The following C12orf42 variants were observed in gnomAD, a reference collection of about 807,000 sequenced individuals.
C12orf42 encodes the protein chromosome 12 open reading frame 42, also known as uncharacterized protein C12orf42.
A neutral mutation model predicts 21.6 loss-of-function variants in C12orf42; 25 were observed. The ratio of observed to expected loss-of-function variants is 1.16; its 90% confidence interval spans 0.84 to 1.62. The LOEUF (loss-of-function observed/expected upper bound fraction) is 1.62. C12orf42 is among the 40% of genes most tolerant of loss of function. The pLI, the probability that C12orf42 is intolerant of heterozygous loss-of-function variation, is 0.00. For synonymous variants in C12orf42, 174 were observed against 175.0 expected (o/e 0.99, Z 0.05); for missense variants, 483 against 459.3 (o/e 1.05, Z -0.47).
chr12:103,396,824 G>A (rs1555283964), intron 3 of C12orf42: 2 of 152,216 alleles, frequency 1.3e-5, no homozygotes, highest in Non-Finnish European at 1.5e-5. Context: ...GAGACCAGTA[G>A]GGTAGAGGGG....
upstream of C12orf42, among the ~76,000 whole-genome samples, chr12:103,499,353 A>G (rs1955659496): frequency 6.6e-6 from 1 of 152,240 alleles, no homozygotes; most frequent in African/African-American, 2.4e-5. Context: ...AAATCATTAC[A>G]TTGTACACGT....
the C12orf42 span, among the ~76,000 whole-genome samples, chr12:103,059,717 G>A: frequency 6.6e-6 from 1 of 152,108 alleles, no homozygotes; most frequent in Non-Finnish European, 1.5e-5. Flanking sequence ...TAGAACCAAT[G>A]TCAAAAACCA....
the C12orf42 span, among the ~76,000 whole-genome samples, chr12:103,231,032 A>G: frequency 1.3e-5 from 2 of 152,174 alleles, no homozygotes; most frequent in African/African-American, 4.8e-5. Flanking sequence ...TTCTATACCT[A>G]TGACATATTT....
chr12:103,287,047 G>T (rs896063751), intron 4 of C12orf42, among the ~76,000 whole-genome samples: 15 of 152,066 alleles, frequency 9.9e-5, no homozygotes, highest in Non-Finnish European at 2.1e-4. Flanking sequence ...TAAAAAGTCA[G>T]GAAACAACAG....
At chr12:103,514,130 C>G in the C12orf42 span, among the ~76,000 whole-genome samples, 1 of 152,136 alleles carries the variant, frequency 6.6e-6, no homozygotes, top group Non-Finnish European at 1.5e-5. Flanking sequence ...AGAATGAGAG[C>G]CCAGTGAAGG....
the C12orf42 span, among the ~76,000 whole-genome samples, chr12:103,225,919 T>G: frequency 6.6e-6 from 1 of 152,186 alleles, no homozygotes; most frequent in Non-Finnish European, 1.5e-5. Flanking sequence ...AGGGGCTTCC[T>G]AGGCGATCGG....
At chr12:103,098,571 T>C in the C12orf42 span, among the ~76,000 whole-genome samples, 2 of 152,218 alleles carry the variant, frequency 1.3e-5, no homozygotes, top group African/African-American at 2.4e-5. Flanking sequence ...AATCAATGCA[T>C]GTCATCTCTC....
the C12orf42 span, among the ~76,000 whole-genome samples, chr12:103,224,488 T>A: frequency 6.6e-6 from 1 of 151,604 alleles, no homozygotes. Flanking sequence ...TTTGGGGAAA[T>A]GGGGTGAATG....
At chr12:103,507,199 T>A in the C12orf42 span, among the ~76,000 whole-genome samples, 7 of 33,410 alleles carry the variant, frequency 2.1e-4, no homozygotes, top group African/African-American at 6.3e-4. Context: ...ATATATATAT[T>A]TATATTATAT....
At chr12:103,472,768 A>C (rs143481322) in intron 2 of C12orf42, among the ~76,000 whole-genome samples, 310 of 152,348 alleles carry the variant, frequency 2.0e-3, no homozygotes, top group African/African-American at 7.0e-3. Context: ...GGAACAGAAG[A>C]AGCCATGTGG....
chr12:103,305,709 G>A (rs1033334318), intron 5 of C12orf42, among the ~76,000 whole-genome samples: 2 of 152,138 alleles, frequency 1.3e-5, no homozygotes, highest in Non-Finnish European at 2.9e-5. Flanking sequence ...AGTGTGGCTG[G>A]AATGGTGATG....
chr12:103,287,508 G>A (rs2036541753), intron 4 of C12orf42, among the ~76,000 whole-genome samples: 2 of 151,858 alleles, frequency 1.3e-5, no homozygotes, highest in Admixed American at 1.3e-4. Context: ...TGAACAATGA[G>A]AACACATGGA....
At chr12:103,458,995 T>C (rs1952503144) in intron 2 of C12orf42, among the ~76,000 whole-genome samples, 1 of 149,326 alleles carries the variant, frequency 6.7e-6, no homozygotes, top group Admixed American at 6.7e-5. Flanking sequence ...GTGGGAGATG[T>C]GAGAAAAGAC....
At chr12:103,543,607 T>C in the C12orf42 span, among the ~76,000 whole-genome samples, 2 of 150,942 alleles carry the variant, frequency 1.3e-5, no homozygotes, top group South Asian at 4.2e-4. Context: ...AATGGGAATC[T>C]GTCTCAAAAA....
intron 10 of C12orf42, among the ~76,000 whole-genome samples, chr12:103,255,976 C>A (rs1170274033): frequency 7.1e-6 from 1 of 140,634 alleles, no homozygotes; most frequent in African/African-American, 2.7e-5. Context: ...TGGCGTGAAC[C>A]CGGGAGGTGG....
chr12:103,453,100 A>T (rs989619266), intron 2 of C12orf42, among the ~76,000 whole-genome samples: 1 of 151,964 alleles, frequency 6.6e-6, no homozygotes. Flanking sequence ...TTTGCCTAGG[A>T]CTAGAATAAT....
intron 2 of C12orf42, among the ~76,000 whole-genome samples, chr12:103,436,078 G>A (rs1470264821): frequency 6.6e-6 from 1 of 152,142 alleles, no homozygotes; most frequent in Non-Finnish European, 1.5e-5. Flanking sequence ...CAAGCCAGAA[G>A]AGAGTGGTGG....
intron 4 of C12orf42, among the ~76,000 whole-genome samples, chr12:103,296,609 C>T (rs1192531942): frequency 6.6e-6 from 1 of 152,120 alleles, no homozygotes; most frequent in Non-Finnish European, 1.5e-5. Context: ...TCTCTGATGG[C>T]CAGTGATGAT....
intron 4 of C12orf42, among the ~76,000 whole-genome samples, chr12:103,363,962 A>T (rs531147800): frequency 2.0e-5 from 3 of 152,204 alleles, no homozygotes; most frequent in African/African-American, 7.2e-5. Context: ...ACAAAGAAAC[A>T]ATGGATTTAA....
Sources: gnomAD v4.1 joint callset for allele counts (sites outside exome capture counted in the v4.1 genomes callset) on GRCh38, gnomAD v4.1.1 for gene constraint, MANE v1.5 for transcripts, NCBI Gene and HGNC (gene_info 2026-07-23, HGNC 2026-07-21) for gene names.